The following DDAH1 variants were observed in gnomAD, a reference collection of about 807,000 sequenced individuals.
DDAH1 encodes dimethylarginine dimethylaminohydrolase 1.
In DDAH1, 19 loss-of-function variants were observed where a neutral mutation model predicts 28.8. The ratio of observed to expected loss-of-function variants is 0.66; its 90% CI spans 0.46 to 0.97. The LOEUF (loss-of-function observed/expected upper bound fraction) is 0.97. DDAH1 is among the 50% of genes least tolerant of loss of function. The probability of loss-of-function intolerance (pLI) is 0.00; values close to 1 mark genes in which losing one functional copy is unlikely to be tolerated. For missense variants in DDAH1, 326 were observed against 375.9 expected (o/e 0.87, Z 1.10); for synonymous variants, 153 against 154.4 (o/e 0.99, Z 0.07).
chr1:85,367,680 A>C (rs987160297), intron 1 of DDAH1, among the ~76,000 whole-genome samples: 1 of 152,148 alleles, frequency 6.6e-6, no homozygotes, highest in Non-Finnish European at 1.5e-5. Flanking sequence ...AATATTGGCC[A>C]CTGAGGGGGT....
At chr1:85,395,462 A>T (rs1026877263) in intron 1 of DDAH1, among the ~76,000 whole-genome samples, 7 of 151,996 alleles carry the variant, frequency 4.6e-5, no homozygotes, top group African/African-American at 1.7e-4. Flanking sequence ...CACCTGAGGG[A>T]GGGAGTTCAA....
intron 2 of DDAH1, 120 bp from the exon 3 acceptor site, chr1:85,351,699 C>T (rs974931338): frequency 5.5e-6 from 4 of 724,126 alleles, no homozygotes; most frequent in Non-Finnish European, 9.5e-6. Flanking sequence ...CAGAGAACAG[C>T]TTCACTAAAG....
intron 1 of DDAH1, among the ~76,000 whole-genome samples, chr1:85,431,733 C>T (rs186312067): frequency 1.2e-4 from 19 of 152,270 alleles, no homozygotes; most frequent in Admixed American, 5.9e-4. Context: ...GCACCTCCAT[C>T]CTGACAATGC....
At chr1:85,553,145 G>A (rs1352504598) in intron 1 of DDAH1, among the ~76,000 whole-genome samples, 1 of 152,048 alleles carries the variant, frequency 6.6e-6, no homozygotes, top group Non-Finnish European at 1.5e-5. Context: ...CCCTACCAAG[G>A]TACCAGATGT....
At chr1:85,564,825 C>CTG (rs1659247473) in intron 1 of DDAH1, among the ~76,000 whole-genome samples, 1 of 150,684 alleles carries the variant, frequency 6.6e-6, no homozygotes, top group Non-Finnish European at 1.5e-5. Flanking sequence ...GATTGTGCCA[C>CTG]TGCACTCCAC....
At chr1:85,451,798 G>C (rs1185844381) in intron 1 of DDAH1, among the ~76,000 whole-genome samples, 1 of 152,152 alleles carries the variant, frequency 6.6e-6, no homozygotes, top group East Asian at 1.9e-4. Context: ...AGGAGCAGAG[G>C]AAAGTAGAAG....
At chr1:85,427,780 A>G (rs1422449655) in intron 1 of DDAH1, among the ~76,000 whole-genome samples, 1 of 152,186 alleles carries the variant, frequency 6.6e-6, no homozygotes, top group African/African-American at 2.4e-5. Flanking sequence ...ATATTTGAGC[A>G]TACATTTTTT....
chr1:85,392,988 A>C (rs1651631583), intron 1 of DDAH1, among the ~76,000 whole-genome samples: 1 of 152,104 alleles, frequency 6.6e-6, no homozygotes, highest in Admixed American at 6.5e-5. Flanking sequence ...AAGGTCTTTG[A>C]CATGGACACT....
chr1:85,368,903 G>A (rs1650220936), intron 1 of DDAH1, among the ~76,000 whole-genome samples: 1 of 152,062 alleles, frequency 6.6e-6, no homozygotes, highest in African/African-American at 2.4e-5. Flanking sequence ...TTAATGTATG[G>A]GAAATATTTT....
intron 1 of DDAH1, among the ~76,000 whole-genome samples, chr1:85,370,943 C>T (rs186120014): frequency 6.6e-6 from 1 of 152,072 alleles, no homozygotes. Flanking sequence ...GTCAATGATA[C>T]AAAAAGTTAC....
chr1:85,432,542 C>T (rs1293857302), intron 1 of DDAH1, among the ~76,000 whole-genome samples: 1 of 152,132 alleles, frequency 6.6e-6, no homozygotes, highest in African/African-American at 2.4e-5. Context: ...TAGATTCCAT[C>T]GTGCCTGGAA....
chr1:85,526,541 G>A (rs1321331076), intron 1 of DDAH1, among the ~76,000 whole-genome samples: 4 of 152,090 alleles, frequency 2.6e-5, no homozygotes, highest in African/African-American at 9.7e-5. Flanking sequence ...ATTTCATGGA[G>A]TGAGAATTGT....
chr1:85,569,601 G>A (rs548279269), intron 1 of DDAH1, among the ~76,000 whole-genome samples: 19 of 152,152 alleles, frequency 1.2e-4, no homozygotes, highest in African/African-American at 4.3e-4. Flanking sequence ...CCCCATCTTC[G>A]TCCTCCACCT....
intron 1 of DDAH1, among the ~76,000 whole-genome samples, chr1:85,542,467 A>C (rs1457258351): frequency 6.6e-6 from 1 of 152,178 alleles, no homozygotes; most frequent in Admixed American, 6.5e-5. Flanking sequence ...CTGGCTAGGA[A>C]TTTCTGTCAC....
chr1:85,476,393 A>C lies in DDAH1; in HGVS notation c.-7+19773T>G, dbSNP rs552675563. On this transcript the variant is annotated intron_variant, in intron 2 of 6. Coordinates refer to the DDAH1 transcript ENST00000426972. ...GGAAAAGCTTGTGTCTCTGATCCAC[A>C]TGGAGTCCACTGGGGCAGCTGAAGC... is the stretch of plus-strand genomic sequence containing the variant. Among the ~76,000 whole-genome samples the C allele has an allele frequency of 7.8e-4, 119 of 152,324 alleles. 4 individuals are homozygous for C. The South Asian group carries it at 0.022, about 28-fold the overall frequency.
At chr1:85,433,094 G>GCATACATATACATA (rs1653772772) in intron 1 of DDAH1, among the ~76,000 whole-genome samples, 1 of 152,002 alleles carries the variant, frequency 6.6e-6, no homozygotes, top group Non-Finnish European at 1.5e-5. Flanking sequence ...ATACGTACAT[G>GCATACATATACATA]CATACATATA....
intron 1 of DDAH1, among the ~76,000 whole-genome samples, chr1:85,359,106 T>C (rs1413704288): frequency 1.3e-5 from 2 of 152,226 alleles, no homozygotes; most frequent in African/African-American, 4.8e-5. Flanking sequence ...TTTTTTTCTG[T>C]AGAAAGCTGA....
chr1:85,480,688 G>A (rs1315997116), intron 2 of DDAH1, among the ~76,000 whole-genome samples: 2 of 151,990 alleles, frequency 1.3e-5, no homozygotes, highest in East Asian at 1.9e-4. Context: ...GAAGTTGAAC[G>A]ACCCAAGACT....
chr1:85,506,606 G>T (rs1027340857), intron 1 of DDAH1, among the ~76,000 whole-genome samples: 8 of 152,160 alleles, frequency 5.3e-5, no homozygotes, highest in African/African-American at 1.2e-4. Flanking sequence ...CTCTATGCGG[G>T]CATTTGAGTT....
Sources: allele counts gnomAD v4.1 joint callset (sites outside exome capture counted in the v4.1 genomes callset), GRCh38; gene constraint gnomAD v4.1.1; transcripts MANE v1.5; gene names NCBI Gene and HGNC (gene_info 2026-07-23, HGNC 2026-07-21).